DPP8: variants seen among roughly 807,000 people sequenced by gnomAD.
DPP8 encodes DPP VIII.
In DPP8, 31 loss-of-function variants were observed where a neutral mutation model predicts 107.5. The observed-to-expected ratio is 0.29, with a 90% CI of 0.22 to 0.39. The LOEUF is 0.39. Ranked by LOEUF, DPP8 falls within the 10% of genes least tolerant of loss-of-function variation. The pLI, the probability that DPP8 is intolerant of heterozygous loss-of-function variation, is 1.00. For missense variants in DPP8, 842 were observed against 1,076.1 expected, an observed-to-expected ratio of 0.78 and a Z score of 3.04; for synonymous variants, 381 against 356.6, an observed-to-expected ratio of 1.07 and a Z score of -0.77.
intron 5 of DPP8, among the ~76,000 whole-genome samples, chr15:65,494,732 T>A (rs151239552): frequency 6.6e-6 from 1 of 151,482 alleles, no homozygotes; most frequent in Non-Finnish European, 1.5e-5. Flanking sequence ...TCTACTGCCA[T>A]TGGTAGTAGA....
intron 10 of DPP8, among the ~76,000 whole-genome samples, chr15:65,479,704 C>T (rs1482882211): frequency 6.6e-6 from 1 of 151,094 alleles, no homozygotes; most frequent in Admixed American, 6.6e-5. Context: ...ATTAGCCGGG[C>T]GCGGTGGCGG....
Position 65,507,656 on chromosome 15 carries a change from TAAA to T in DPP8, c.260-304_260-302del, listed in dbSNP as rs746039694. Among the ~76,000 whole-genome samples, 21 of 105,206 alleles carry T rather than the reference TAAA, an allele frequency of 2.0e-4. 1 individual carries two copies. Among genetic ancestry groups the T allele is most frequent in the Middle Eastern group, 5.0e-3 (1 of 200 alleles). 69.0% of individuals were successfully genotyped at this position (105,206 alleles called of 152,430 possible). On this transcript the variant is annotated intron_variant, in intron 2 of 19. Transcript: ENST00000300141. ...TGGGTAACATAGCAAGATCCCAACT[TAAA>T]AAAAAAAAAAAAAAAAAGAAATCTG... is the stretch of plus-strand genomic sequence containing the variant.
At chr15:65,470,097 A>C (rs926792424) in intron 12 of DPP8, among the ~76,000 whole-genome samples, 10 of 149,042 alleles carry the variant, frequency 6.7e-5, no homozygotes, top group African/African-American at 2.0e-4. Context: ...CTCGAGACTT[A>C]AGCAGGAGAA....
chr15:65,449,920 T>C (rs2063842085), intron 19 of DPP8, among the ~76,000 whole-genome samples: 1 of 148,592 alleles, frequency 6.7e-6, no homozygotes, highest in Admixed American at 6.7e-5. Context: ...ATAGTTTCTC[T>C]CTATGAAAAA....
At chr15:65,454,455 TAA>T (rs777462003) in intron 16 of DPP8, 40 bp from the exon 17 acceptor site, 12 of 1,548,322 alleles carry the variant, frequency 7.8e-6, no homozygotes, top group East Asian at 7.3e-5. Flanking sequence ...TTCTGATGAA[TAA>T]AAGTCTCGTA....
At chr15:65,454,538 A>AT in intron 16 of DPP8, 123 bp from the exon 17 acceptor site, 1 of 857,758 alleles carries the variant, frequency 1.2e-6, no homozygotes, top group Non-Finnish European at 1.7e-6. Context: ...TATTTTATTT[A>AT]TTTTTTGAGA....
chr15:65,505,580 TAAG>T (rs2069856288), intron 3 of DPP8, among the ~76,000 whole-genome samples: 1 of 152,158 alleles, frequency 6.6e-6, no homozygotes, highest in South Asian at 2.1e-4. Flanking sequence ...GGTCTCAGAA[TAAG>T]AAATTTTTTG....
intron 19 of DPP8, among the ~76,000 whole-genome samples, chr15:65,449,900 G>A (rs1035943361): frequency 6.6e-6 from 1 of 151,828 alleles, no homozygotes; most frequent in African/African-American, 2.4e-5. Flanking sequence ...ATTATTTTTT[G>A]TTTTGGAATA....
At chr15:65,448,920 ATATT>A (rs2063756005) in intron 19 of DPP8, among the ~76,000 whole-genome samples, 1 of 90,920 alleles carries the variant, frequency 1.1e-5, no homozygotes, top group Non-Finnish European at 2.2e-5. Context: ...ATATATATAT[ATATT>A]TAGCCTGGGT....
At position 65,495,020 on chromosome 15, in the gene DPP8, C is replaced by T. The variant is rs1344071809; in HGVS notation, c.715+2844G>A. Among the ~76,000 whole-genome samples, 6 of 152,162 alleles carry T rather than the reference C, an allele frequency of 3.9e-5. No homozygotes were observed. The East Asian group carries it at 9.6e-4, about 24-fold the overall frequency. Reference sequence around the variant, plus strand: ...TGTTAAAAACCTTTCCATGGACCCTCATATCATGATAAAGTCCATGTTCTT... The same window carrying T: ...TGTTAAAAACCTTTCCATGGACCCTTATATCATGATAAAGTCCATGTTCTT... On this transcript the variant is annotated intron_variant, in intron 5 of 19. Coordinates refer to ENST00000300141, the MANE Select transcript of DPP8 (RefSeq NM_130434.5).
intron 6 of DPP8, among the ~76,000 whole-genome samples, chr15:65,488,616 A>C (rs1299135090): frequency 6.6e-6 from 1 of 151,086 alleles, no homozygotes. Context: ...AAAAAAAAAA[A>C]AAAAAAAAAA....
At chr15:65,499,192 G>A (rs1459100438) in intron 4 of DPP8, among the ~76,000 whole-genome samples, 3 of 151,434 alleles carry the variant, frequency 2.0e-5, no homozygotes, top group Non-Finnish European at 2.9e-5. Context: ...CTCCCTCAGT[G>A]CTTACACAGG....
rs914067995 is a variant in DPP8 at position 65,513,123 on chromosome 15, T to C, written c.-11-559A>G. 1.4e-4 allele frequency among the ~76,000 whole-genome samples: 21 copies of C among 152,216 alleles called. 1 individual carries two copies. The highest frequency in any genetic ancestry group is 4.6e-4 in the Admixed American group (7 of 15,286). ...AGATAATATATTGTTTCCTTTTAAA[T>C]GGAAAGCCAAACAAAACACTTAACT... On this transcript the variant is annotated intron_variant, in intron 1 of 19. Coordinates refer to ENST00000300141, the MANE Select transcript of DPP8 (RefSeq NM_130434.5).
chr15:65,478,800 G>T, intron 11 of DPP8, 80 bp downstream of exon 11: 1 of 984,594 alleles, frequency 1.0e-6, no homozygotes, highest in Non-Finnish European at 1.5e-6. Context: ...TATAAAGCAT[G>T]CAAAAGATAC....
At chr15:65,456,109 C>T (rs978162843) in intron 16 of DPP8, 116 bp downstream of exon 16, 3 of 1,110,344 alleles carry the variant, frequency 2.7e-6, no homozygotes, top group Non-Finnish European at 3.6e-6. Flanking sequence ...AACACATACA[C>T]TCTCACTCAC....
chr15:65,459,520 G>A (rs1243633905), intron 15 of DPP8: 1 of 152,028 alleles, frequency 6.6e-6, no homozygotes, highest in East Asian at 1.9e-4. Flanking sequence ...AATATTCTGA[G>A]AAAGAAATCA....
At chr15:65,463,957 C>G (rs1482731057) in intron 14 of DPP8, 51 bp from the exon 15 acceptor site, 2 of 1,366,384 alleles carry the variant, frequency 1.5e-6, no homozygotes, top group Non-Finnish European at 1.9e-6. Context: ...TATGGGAGTG[C>G]TACAATCTGG....
intron 17 of DPP8, among the ~76,000 whole-genome samples, chr15:65,452,639 T>C (rs1050296893): frequency 6.6e-6 from 1 of 152,122 alleles, no homozygotes; most frequent in Non-Finnish European, 1.5e-5. Context: ...TCTAGATATA[T>C]GTGCAAGAAT....
chr15:65,456,022 CTCTA>C (rs1168830025), intron 16 of DPP8, among the ~76,000 whole-genome samples, 199 bp downstream of exon 16: 1 of 152,160 alleles, frequency 6.6e-6, no homozygotes, highest in Non-Finnish European at 1.5e-5. Flanking sequence ...GTACAAGTGG[CTCTA>C]TCTCAGTTCC....
Sources: gnomAD v4.1 joint callset for allele counts (sites outside exome capture counted in the v4.1 genomes callset) on GRCh38, gnomAD v4.1.1 for gene constraint, MANE v1.5 for transcripts, NCBI Gene and HGNC (gene_info 2026-07-23, HGNC 2026-07-21) for gene names.